Variants in MSN observed in about 807,000 individuals in gnomAD.
The protein encoded by MSN is moesin.
Under a neutral mutation model 48.0 loss-of-function variants are expected in MSN, and 2 were observed. The ratio of observed to expected loss-of-function variants is 0.04; its 90% CI spans 0.02 to 0.13. The LOEUF (loss-of-function observed/expected upper bound fraction) is 0.13. MSN is among the 10% of genes least tolerant of loss of function. MSN has a pLI of 1.00. For synonymous variants in MSN, 146 were observed against 166.9 expected (o/e 0.87, Z 0.97); for missense variants, 267 against 470.1 (o/e 0.57, Z 3.99).
chrX:65,741,214 C>CA lies in MSN; in HGVS notation c.*1322dup. 5.9e-6 allele frequency: 1 copy of CA among 170,913 alleles called. No homozygotes were observed. The highest frequency in any genetic ancestry group is 8.4e-5 in the East Asian group (1 of 11,872). 14.1% of individuals were successfully genotyped at this position (170,913 alleles called of 1,213,427 possible). On this transcript the variant is annotated 3_prime_UTR_variant, in exon 13 of 13. Transcript: ENST00000360270. ...TCTGGCCTAGTCCCTTCCACACCCC[C>CA]ACCCCTTGCTCTCAACCCAGGAGCA... is the stretch of plus-strand genomic sequence containing the variant.
chrX:65,693,274 T>C (rs1367830693), intron 1 of MSN, among the ~76,000 whole-genome samples: 2 of 112,113 alleles, frequency 1.8e-5, no homozygotes, highest in African/African-American at 6.5e-5. Flanking sequence ...CCTGGGTTCA[T>C]TGATTTTTTG....
chrX:65,636,913 C>G (rs142425059), intron 1 of MSN, among the ~76,000 whole-genome samples: 108 of 89,038 alleles, frequency 1.2e-3, no homozygotes, highest in Non-Finnish European at 2.0e-3. Flanking sequence ...AACCCCGTCT[C>G]TACTAAAAAT....
intron 1 of MSN, among the ~76,000 whole-genome samples, chrX:65,622,938 T>C (rs2070465165): frequency 8.9e-6 from 1 of 111,948 alleles, no homozygotes; most frequent in South Asian, 3.7e-4. Context: ...TTATTCCTAG[T>C]TTTCTGAGTG....
At chrX:65,659,432 G>T (rs139706577) in intron 1 of MSN, among the ~76,000 whole-genome samples, 121 of 112,319 alleles carry the variant, frequency 1.1e-3, no homozygotes, top group African/African-American at 3.7e-3. Context: ...GGGATTACAG[G>T]CATGTGCCAT....
At chrX:65,638,922 C>T (rs1228897398) in intron 1 of MSN, among the ~76,000 whole-genome samples, 1 of 112,038 alleles carries the variant, frequency 8.9e-6, no homozygotes, top group Non-Finnish European at 1.9e-5. Context: ...ACTTCACTTC[C>T]TGTGTCTCAG....
intron 1 of MSN, among the ~76,000 whole-genome samples, chrX:65,603,908 GAGAC>G (rs776716378): frequency 8.9e-6 from 1 of 112,255 alleles, no homozygotes; most frequent in African/African-American, 3.2e-5. Context: ...ACAGTCAAGA[GAGAC>G]AGAAGGGGAC....
At chrX:65,725,489 T>C (rs1002918687) in intron 2 of MSN, among the ~76,000 whole-genome samples, 6 of 110,853 alleles carry the variant, frequency 5.4e-5, no homozygotes, top group Non-Finnish European at 1.1e-4. Context: ...CTGGACACAC[T>C]ATTCTTCTGC....
chrX:65,700,531 G>A (rs1157206439), intron 1 of MSN, among the ~76,000 whole-genome samples: 2 of 111,329 alleles, frequency 1.8e-5, no homozygotes, highest in Non-Finnish European at 3.8e-5. Flanking sequence ...CCCTTGTTTG[G>A]CCTTTAGCTG....
At chrX:65,718,023 T>C (rs2071483079) in intron 2 of MSN, among the ~76,000 whole-genome samples, 1 of 111,759 alleles carries the variant, frequency 8.9e-6, no homozygotes, top group African/African-American at 3.2e-5. Context: ...ACAGCTTGGG[T>C]ACACCTTCTG....
chrX:65,666,178 T>G (rs1255121430), upstream of MSN, among the ~76,000 whole-genome samples: 4 of 100,766 alleles, frequency 4.0e-5, no homozygotes, highest in African/African-American at 7.5e-5. Flanking sequence ...AATTTTTTTG[T>G]TTTTTTTTTT....
chrX:65,641,834 T>C (rs1348894305), intron 1 of MSN, among the ~76,000 whole-genome samples: 2 of 107,641 alleles, frequency 1.9e-5, no homozygotes, highest in Non-Finnish European at 3.8e-5. Context: ...TAGTGTAAAA[T>C]TGAAAACAAC....
chrX:65,736,021 A>G (rs1203708892), intron 8 of MSN, among the ~76,000 whole-genome samples: 5 of 111,974 alleles, frequency 4.5e-5, no homozygotes, highest in Non-Finnish European at 9.4e-5. Flanking sequence ...GATTTGTAAC[A>G]GACTCTGGGA....
At chrX:65,620,440 C>T (rs915814188) in intron 1 of MSN, among the ~76,000 whole-genome samples, 2 of 113,950 alleles carry the variant, frequency 1.8e-5, no homozygotes, top group African/African-American at 3.2e-5. Flanking sequence ...GTCGGAAAAG[C>T]GCAGTATTCG....
intron 1 of MSN, among the ~76,000 whole-genome samples, chrX:65,657,115 G>T (rs762502694): frequency 9.0e-6 from 1 of 111,716 alleles, no homozygotes; most frequent in South Asian, 3.8e-4. Flanking sequence ...GAGATGGGAT[G>T]GAGTGAAGCT....
intron 1 of MSN, among the ~76,000 whole-genome samples, chrX:65,682,204 G>A (rs1189016350): frequency 8.9e-6 from 1 of 112,314 alleles, no homozygotes; most frequent in Non-Finnish European, 1.9e-5. Context: ...GGGAAGGACA[G>A]ATCTTCATGT....
intron 3 of MSN, 114 bp from the exon 4 acceptor site, chrX:65,729,324 G>A: frequency 2.3e-6 from 2 of 854,375 alleles, no homozygotes; most frequent in South Asian, 2.7e-5. Flanking sequence ...TTGCCACCCA[G>A]CTGTCTAAGA....
intron 1 of MSN, among the ~76,000 whole-genome samples, chrX:65,699,813 G>A (rs887566687): frequency 1.8e-5 from 2 of 109,046 alleles, no homozygotes; most frequent in Admixed American, 2.0e-4. Context: ...CCTTTGTGTA[G>A]CCTTAAATAA....
intron 1 of MSN, among the ~76,000 whole-genome samples, chrX:65,590,139 C>T (rs770212978): frequency 6.9e-4 from 77 of 111,061 alleles, no homozygotes; most frequent in Admixed American, 1.8e-3. Context: ...GACTGTAATC[C>T]TGAGCTCTTT....
intron 7 of MSN, 31 bp from the exon 8 acceptor site, chrX:65,735,235 CA>C (rs761568596): frequency 4.2e-6 from 5 of 1,202,543 alleles, no homozygotes; most frequent in Non-Finnish European, 5.6e-6. Flanking sequence ...CCTGTCCCTC[CA>C]AATTCTTTCT....
Sources: gnomAD v4.1 joint callset for allele counts (sites outside exome capture counted in the v4.1 genomes callset) on GRCh38, gnomAD v4.1.1 for gene constraint, MANE v1.5 for transcripts, NCBI Gene and HGNC (gene_info 2026-07-23, HGNC 2026-07-21) for gene names.